The following PCGF5 variants were observed in gnomAD, a reference collection of about 807,000 sequenced individuals.
PCGF5 encodes the protein polycomb group ring finger 5, also known as polycomb group RING finger protein 5.
In PCGF5, 9 loss-of-function variants were observed where a neutral mutation model predicts 44.3. The ratio of observed to expected loss-of-function variants is 0.20; its 90% CI spans 0.12 to 0.35. The LOEUF (loss-of-function observed/expected upper bound fraction) is 0.35, where lower values mean the gene tolerates loss of function less well. PCGF5 is among the 10% of genes least tolerant of loss of function. The pLI is 1.00. For missense variants in PCGF5, 146 were observed against 305.3 expected, an observed-to-expected ratio of 0.48 and a Z score of 3.89; for synonymous variants, 95 against 102.5, an observed-to-expected ratio of 0.93 and a Z score of 0.44.
chr10:91,226,288 G>GAA (rs1286592833), intron 2 of PCGF5, among the ~76,000 whole-genome samples: 1 of 16,866 alleles, frequency 5.9e-5, no homozygotes, highest in African/African-American at 1.5e-4. Flanking sequence ...GTTAAGAAAT[G>GAA]TAAAAAAAAA....
intron 1 of PCGF5, among the ~76,000 whole-genome samples, chr10:91,192,751 A>G (rs1844056066): frequency 6.6e-6 from 1 of 152,196 alleles, no homozygotes; most frequent in Admixed American, 6.5e-5. Flanking sequence ...AAATTTTAAA[A>G]TAGAGCACAG....
intron 1 of PCGF5, among the ~76,000 whole-genome samples, chr10:91,177,219 C>T (rs575811398): frequency 3.3e-5 from 5 of 152,118 alleles, no homozygotes; most frequent in Non-Finnish European, 5.9e-5. Flanking sequence ...TGCAGAACAG[C>T]GAATATTGGT....
intron 1 of PCGF5, among the ~76,000 whole-genome samples, chr10:91,203,132 A>C (rs574931836): frequency 6.6e-6 from 1 of 152,336 alleles, no homozygotes; most frequent in Non-Finnish European, 1.5e-5. Flanking sequence ...AAGCATTTTA[A>C]GGGCTAATTT....
At chr10:91,262,745 A>G (rs983727339) in intron 7 of PCGF5, among the ~76,000 whole-genome samples, 3 of 152,226 alleles carry the variant, frequency 2.0e-5, no homozygotes, top group Non-Finnish European at 2.9e-5. Flanking sequence ...GGAAAAAATT[A>G]TGGAAGTTAA....
intron 3 of PCGF5, among the ~76,000 whole-genome samples, chr10:91,248,058 C>G (rs1003941410): frequency 1.3e-5 from 2 of 152,110 alleles, no homozygotes; most frequent in Non-Finnish European, 2.9e-5. Flanking sequence ...TCTACGTGGT[C>G]TCTCATCCTC....
intron 5 of PCGF5, among the ~76,000 whole-genome samples, chr10:91,249,922 G>T (rs1845583582): frequency 6.6e-6 from 1 of 151,926 alleles, no homozygotes; most frequent in South Asian, 2.1e-4. Flanking sequence ...ATAAGATAAG[G>T]CTAATTAAAT....
At chr10:91,210,038 G>A (rs1304829954) in intron 1 of PCGF5, among the ~76,000 whole-genome samples, 1 of 152,192 alleles carries the variant, frequency 6.6e-6, no homozygotes, top group African/African-American at 2.4e-5. Flanking sequence ...TAGATGGATA[G>A]CAGATCATAG....
chr10:91,210,912 T>C (rs1844440351), intron 1 of PCGF5, among the ~76,000 whole-genome samples: 1 of 152,228 alleles, frequency 6.6e-6, no homozygotes, highest in Non-Finnish European at 1.5e-5. Flanking sequence ...ATCTCATTTT[T>C]TCAGACACGA....
intron 1 of PCGF5, among the ~76,000 whole-genome samples, chr10:91,190,334 A>G (rs1000761238): frequency 1.3e-5 from 2 of 152,236 alleles, no homozygotes; most frequent in African/African-American, 2.4e-5. Flanking sequence ...GGGGAATTCA[A>G]ACATTCAGAC....
chr10:91,190,121 C>G (rs1376505632), intron 1 of PCGF5, among the ~76,000 whole-genome samples: 1 of 152,186 alleles, frequency 6.6e-6, no homozygotes, highest in African/African-American at 2.4e-5. Context: ...GCAGATTGGT[C>G]TCTGGTGAGG....
chr10:91,261,517 T>C (rs1845908009), intron 7 of PCGF5, 93 bp downstream of exon 7: 2 of 1,268,998 alleles, frequency 1.6e-6, no homozygotes, highest in Non-Finnish European at 2.0e-6. Context: ...ATATTCAAAT[T>C]AATTTTTGTG....
chr10:91,241,318 C>T (rs549913239), intron 3 of PCGF5, among the ~76,000 whole-genome samples: 9 of 152,152 alleles, frequency 5.9e-5, no homozygotes, highest in African/African-American at 2.2e-4. Context: ...ATCTGCCTGC[C>T]TCGGCCTCCC....
intron 8 of PCGF5, 77 bp from the exon 9 acceptor site, chr10:91,271,561 A>G: frequency 1.7e-6 from 2 of 1,176,398 alleles, no homozygotes; most frequent in Admixed American, 1.8e-5. Flanking sequence ...TTGACGTTAA[A>G]CTATTTTAAA....
At chr10:91,196,339 A>G (rs901435804) in intron 1 of PCGF5, among the ~76,000 whole-genome samples, 1 of 152,244 alleles carries the variant, frequency 6.6e-6, no homozygotes, top group Admixed American at 6.5e-5. Flanking sequence ...TTCAGTTTAC[A>G]AAGTTCAAAT....
intron 1 of PCGF5, among the ~76,000 whole-genome samples, chr10:91,199,511 A>C (rs1346998117): frequency 1.3e-5 from 2 of 152,236 alleles, no homozygotes; most frequent in Non-Finnish European, 2.9e-5. Context: ...TGCCTGCAAG[A>C]GGCCAACAAC....
In PCGF5 at chr10:91,238,920, C is replaced by G. The variant is rs1257229835; in HGVS notation, c.113-1564C>G. On this transcript the variant is annotated intron_variant, in intron 2 of 9. Coordinates refer to ENST00000336126, the MANE Select transcript of PCGF5 (RefSeq NM_032373.5). ...AGGTTTTCTGATACTGTCTTTTACC[C>G]ACATTTTGTGAGAATTGTCATGAAG... is the stretch of plus-strand genomic sequence containing the variant. Among the ~76,000 whole-genome samples, 8 of 151,872 alleles carry G rather than the reference C, an allele frequency of 5.3e-5. No homozygotes were observed. The East Asian group carries it at 1.5e-3, about 29-fold the overall frequency.
upstream of PCGF5, among the ~76,000 whole-genome samples, chr10:91,160,728 T>G (rs1843368752): frequency 6.6e-6 from 1 of 151,772 alleles, no homozygotes; most frequent in African/African-American, 2.4e-5. Context: ...AAAAGAAATG[T>G]AAGGGAGTGA....
chr10:91,242,929 TA>T (rs1476010073), intron 3 of PCGF5, among the ~76,000 whole-genome samples: 8 of 152,336 alleles, frequency 5.3e-5, no homozygotes, highest in Non-Finnish European at 1.2e-4. Context: ...ATGTCCTTTA[TA>T]GAGATCTTTT....
upstream of PCGF5, among the ~76,000 whole-genome samples, chr10:91,158,587 C>T (rs1843346220): frequency 6.6e-6 from 1 of 152,124 alleles, no homozygotes; most frequent in Admixed American, 6.5e-5. Context: ...TGCTTATGGT[C>T]AAGAGAGAGT....
Sources: gnomAD v4.1 joint callset for allele counts (sites outside exome capture counted in the v4.1 genomes callset) on GRCh38, gnomAD v4.1.1 for gene constraint, MANE v1.5 for transcripts, NCBI Gene and HGNC (gene_info 2026-07-23, HGNC 2026-07-21) for gene names.